Variants in SLC9B1 observed in about 807,000 individuals in gnomAD.
SLC9B1 encodes the protein solute carrier family 9 member B1.
Under a neutral mutation model 51.7 loss-of-function variants are expected in SLC9B1, and 32 were observed. The observed-to-expected ratio is 0.62, with a 90% CI of 0.47 to 0.83. SLC9B1 has a LOEUF of 0.83. Among genes scored for constraint, SLC9B1 ranks in the 40% least tolerant of loss-of-function variants. The pLI is 0.00. For synonymous variants in SLC9B1, 145 were observed against 212.7 expected (o/e 0.68, Z 2.77); for missense variants, 406 against 613.2 (o/e 0.66, Z 3.57).
chr4:102,932,032 A>T, intron 7 of SLC9B1, 92 bp downstream of exon 7: 1 of 1,193,148 alleles, frequency 8.4e-7, no homozygotes. Flanking sequence ...AGTCTTGGTT[A>T]ATAAATGAAG....
At chr4:102,988,143 T>C (rs1288158667) in intron 3 of SLC9B1, among the ~76,000 whole-genome samples, 1 of 152,150 alleles carries the variant, frequency 6.6e-6, no homozygotes, top group East Asian at 1.9e-4. Context: ...AAGAAAACTT[T>C]AATTCATTTA....
chr4:102,898,317 A>G (rs1383810046), downstream of SLC9B1: 10 of 352,848 alleles, frequency 2.8e-5, no homozygotes. Flanking sequence ...CTTAAATACT[A>G]TGGAAAAAAT....
At chr4:102,973,879 T>C (rs1247542347) in intron 3 of SLC9B1, among the ~76,000 whole-genome samples, 1 of 152,154 alleles carries the variant, frequency 6.6e-6, no homozygotes, top group Admixed American at 6.6e-5. Flanking sequence ...ATTTATATCT[T>C]TAAATGTTTA....
intron 7 of SLC9B1, among the ~76,000 whole-genome samples, chr4:102,931,040 T>C (rs1002479247): frequency 1.3e-5 from 2 of 151,632 alleles, no homozygotes; most frequent in African/African-American, 4.8e-5. Context: ...CTGGCTAACA[T>C]GGTGAAACCC....
At chr4:102,982,375 T>C (rs1304601849) in intron 3 of SLC9B1, among the ~76,000 whole-genome samples, 4 of 152,102 alleles carry the variant, frequency 2.6e-5, no homozygotes, top group Admixed American at 2.0e-4. Flanking sequence ...CAATGTCGAG[T>C]TGGCTTTTCT....
At chr4:102,899,947 A>G (rs1306073837), downstream of SLC9B1, among the ~76,000 whole-genome samples, 6 of 150,530 alleles carry the variant, frequency 4.0e-5, no homozygotes, top group Non-Finnish European at 7.4e-5. Flanking sequence ...ATTTCCCAGA[A>G]GGTTTTAGAA....
At chr4:102,972,567 A>G (rs1020783988) in intron 3 of SLC9B1, among the ~76,000 whole-genome samples, 4 of 152,172 alleles carry the variant, frequency 2.6e-5, no homozygotes, top group African/African-American at 9.7e-5. Context: ...CTTTTCATGG[A>G]AGGCAAAACT....
intron 6 of SLC9B1, among the ~76,000 whole-genome samples, chr4:102,943,614 C>G (rs1737125646): frequency 6.6e-6 from 1 of 151,708 alleles, no homozygotes; most frequent in Non-Finnish European, 1.5e-5. Flanking sequence ...GAGTCGGAGA[C>G]CATTATTCTA....
chr4:102,949,448 C>T (rs1737434267), intron 3 of SLC9B1, 21 bp from the exon 4 acceptor site: 2 of 1,548,730 alleles, frequency 1.3e-6, no homozygotes, highest in South Asian at 1.3e-5. Context: ...AAAAAGTGTA[C>T]AGCTATATAT....
chr4:102,886,908 C>G (rs1442477173), intron 11 of SLC9B1, among the ~76,000 whole-genome samples: 1 of 152,154 alleles, frequency 6.6e-6, no homozygotes, highest in Non-Finnish European at 1.5e-5. Context: ...AACTACCGCA[C>G]CAGCCTAAAA....
intron 7 of SLC9B1, among the ~76,000 whole-genome samples, chr4:102,917,451 CTA>C (rs1010538319): frequency 3.3e-4 from 50 of 149,532 alleles, no homozygotes; most frequent in African/African-American, 1.1e-3. Context: ...ATATCTATAT[CTA>C]TATCTATATC....
intron 1 of SLC9B1, among the ~76,000 whole-genome samples, chr4:103,014,284 A>AT (rs2110545154): frequency 6.6e-6 from 1 of 152,294 alleles, no homozygotes; most frequent in African/African-American, 2.4e-5. Flanking sequence ...CTAACGCTTC[A>AT]TCAATTTAGA....
At chr4:103,003,408 C>T (rs1190859721) in intron 1 of SLC9B1, among the ~76,000 whole-genome samples, 1 of 152,096 alleles carries the variant, frequency 6.6e-6, no homozygotes, top group Non-Finnish European at 1.5e-5. Flanking sequence ...AAACTTTTGC[C>T]CTCTTCCTTC....
chr4:103,019,564 C>G (rs1459767187), intron 1 of SLC9B1, 35 bp downstream of exon 1: 9 of 985,002 alleles, frequency 9.1e-6, no homozygotes, highest in Admixed American at 6.1e-5. Flanking sequence ...CGCCAAAGGG[C>G]TTGGAAGGGC....
intron 10 of SLC9B1, chr4:102,906,198 G>A (rs1474102584): frequency 6.1e-6 from 1 of 162,702 alleles, no homozygotes; most frequent in Non-Finnish European, 1.3e-5. Flanking sequence ...GCCTCCCAAA[G>A]TAAGATTACA....
chr4:102,943,332 T>C (rs1211369715), intron 6 of SLC9B1, among the ~76,000 whole-genome samples: 1 of 152,118 alleles, frequency 6.6e-6, no homozygotes, highest in Non-Finnish European at 1.5e-5. Context: ...ACTGGGTATC[T>C]ACCCAGAGGA....
chr4:103,011,679 G>A (rs1356439143), intron 1 of SLC9B1, among the ~76,000 whole-genome samples: 1 of 152,114 alleles, frequency 6.6e-6, no homozygotes, highest in Admixed American at 6.5e-5. Context: ...AGCACCACAT[G>A]GGCACCACCA....
At chr4:102,971,974 G>C (rs1738785865) in intron 3 of SLC9B1, among the ~76,000 whole-genome samples, 1 of 152,082 alleles carries the variant, frequency 6.6e-6, no homozygotes, top group South Asian at 2.1e-4. Context: ...CCATTAACAG[G>C]CTCTGAAATT....
At chr4:102,997,848 T>C (rs1165442981) in intron 1 of SLC9B1, among the ~76,000 whole-genome samples, 1 of 152,164 alleles carries the variant, frequency 6.6e-6, no homozygotes. Context: ...TAGAGTTTAT[T>C]TTCTTTAAGT....
Sources: gnomAD v4.1 joint callset for allele counts (sites outside exome capture counted in the v4.1 genomes callset) on GRCh38, gnomAD v4.1.1 for gene constraint, MANE v1.5 for transcripts, NCBI Gene and HGNC (gene_info 2026-07-23, HGNC 2026-07-21) for gene names.